The following LRRFIP1 variants were observed in gnomAD, a reference collection of about 807,000 sequenced individuals.
The protein encoded by LRRFIP1 is LRR binding FLII interacting protein 1, also known as leucine-rich repeat flightless-interacting protein 1.
In LRRFIP1, 62 loss-of-function variants were observed where a neutral mutation model predicts 104.4. The ratio of observed to expected loss-of-function variants is 0.59; its 90% CI spans 0.48 to 0.73. LRRFIP1 has a LOEUF of 0.73. Ranked by LOEUF, LRRFIP1 falls within the 30% of genes least tolerant of loss-of-function variation. LRRFIP1 has a pLI of 0.00. For synonymous variants in LRRFIP1, 300 were observed against 299.0 expected (o/e 1.00, Z -0.03); for missense variants, 796 against 824.5 (o/e 0.97, Z 0.42).
intron 1 of LRRFIP1, among the ~76,000 whole-genome samples, chr2:237,639,248 G>C (rs2083547832): frequency 6.6e-6 from 1 of 152,166 alleles, no homozygotes; most frequent in Admixed American, 6.5e-5. Flanking sequence ...ATATAGGAAA[G>C]ATGATCTCCC....
intron 1 of LRRFIP1, among the ~76,000 whole-genome samples, chr2:237,638,973 C>A (rs73999195): frequency 6.6e-6 from 1 of 152,130 alleles, no homozygotes; most frequent in Non-Finnish European, 1.5e-5. Context: ...GTTGTGTGAC[C>A]GTAGGCAAGT....
intron 1 of LRRFIP1, among the ~76,000 whole-genome samples, chr2:237,647,376 T>G (rs2085096278): frequency 6.6e-6 from 1 of 151,966 alleles, no homozygotes; most frequent in Admixed American, 6.5e-5. Flanking sequence ...TGCCCAGAAG[T>G]GGCACAGATG....
At chr2:237,762,085 C>A (rs1052903566) in intron 19 of LRRFIP1, among the ~76,000 whole-genome samples, 5 of 152,172 alleles carry the variant, frequency 3.3e-5, no homozygotes, top group African/African-American at 1.2e-4. Context: ...AAAGCATCTT[C>A]CTTGAGACTG....
chr2:237,712,681 G>A (rs1475555836), intron 2 of LRRFIP1, among the ~76,000 whole-genome samples: 3 of 152,192 alleles, frequency 2.0e-5, no homozygotes, highest in South Asian at 2.1e-4. Context: ...GCTCACACAC[G>A]TGAGCATCTG....
chr2:237,752,476 G>C (rs1053181223), intron 14 of LRRFIP1, among the ~76,000 whole-genome samples: 1 of 152,258 alleles, frequency 6.6e-6, no homozygotes, highest in African/African-American at 2.4e-5. Context: ...TGAAGCAGCT[G>C]TCCTGGTGTG....
At chr2:237,666,233 C>G (rs1011055912) in intron 1 of LRRFIP1, among the ~76,000 whole-genome samples, 1 of 152,268 alleles carries the variant, frequency 6.6e-6, no homozygotes, top group African/African-American at 2.4e-5. Flanking sequence ...TCCCCCAAAT[C>G]GAGCACCTCA....
In LRRFIP1 at chr2:237,757,742, G is replaced by C. The variant is rs372944830; in HGVS notation, c.1224+194G>C. 5.9e-5 allele frequency among the ~76,000 whole-genome samples: 9 copies of C among 152,172 alleles called. No homozygotes were observed. The East Asian group carries it at 1.8e-3, about 30-fold the overall frequency. ...AACTTATCCAAATTGATATGAACTT[G>C]GATTGTGACACGGACTCTCCATGGA... is the stretch of plus-strand genomic sequence containing the variant. On this transcript the variant is annotated intron_variant, in intron 17 of 23. Transcript: ENST00000308482.
intron 8 of LRRFIP1, among the ~76,000 whole-genome samples, chr2:237,728,895 C>T (rs575138042): frequency 1.3e-5 from 2 of 152,218 alleles, no homozygotes; most frequent in African/African-American, 2.4e-5. Context: ...TTGCTCATTC[C>T]TATTTACCTA....
At chr2:237,705,629 A>C (rs1023294555) in intron 1 of LRRFIP1, among the ~76,000 whole-genome samples, 2 of 151,144 alleles carry the variant, frequency 1.3e-5, no homozygotes, top group Non-Finnish European at 2.9e-5. Context: ...ACGCCACTGC[A>C]CTCCAGCCTG....
Position 237,760,178 on chromosome 2 carries a change from C to T in LRRFIP1, c.1432C>T (p.Leu478Phe). 2 of 1,614,120 alleles carry T rather than the reference C, an allele frequency of 1.2e-6. No homozygotes were observed. The highest frequency in any genetic ancestry group is 1.1e-5 in the South Asian group (1 of 91,080). The change falls in exon 19 of 24, where the codon CTC becomes TTC. Residue 478 changes from leucine (L) to phenylalanine (F), a missense_variant. Leu to Phe is a conservative substitution (Grantham distance 22). Coordinates refer to ENST00000308482, the MANE Select transcript of LRRFIP1 (RefSeq NM_001137550.2). ...GATGACAAAAGAAGAGTTAAATGCC[C>T]TCAAGTCGACAGGGGATGGGACCCT... is the stretch of plus-strand genomic sequence containing the variant. Reference protein sequence around the residue: ...TKMTKEELNALKSTGDGTLDI... With the variant: ...TKMTKEELNAFKSTGDGTLDI...
chr2:237,647,581 G>A (rs968395236), intron 1 of LRRFIP1, among the ~76,000 whole-genome samples: 3 of 152,072 alleles, frequency 2.0e-5, no homozygotes, highest in South Asian at 2.1e-4. Context: ...CCTGGTGGCC[G>A]GGCACTCGCT....
chr2:237,767,546 T>C (rs1048468597), intron 19 of LRRFIP1, among the ~76,000 whole-genome samples: 8 of 152,372 alleles, frequency 5.3e-5, no homozygotes, highest in Non-Finnish European at 1.2e-4. Flanking sequence ...TAGGTTGTTA[T>C]ACAAAGTTGG....
chr2:237,756,161 C>T lies in LRRFIP1; in HGVS notation c.1105C>T (p.Leu369=). Residue 369 remains leucine (L), a synonymous_variant, in exon 16 of 24, where the codon CTG becomes TTG. Coordinates refer to ENST00000308482, the MANE Select transcript of LRRFIP1 (RefSeq NM_001137550.2). Reference sequence around the variant, plus strand: ...TCAGTTTGCTGAAGTCAAGGAGGCCCTGAAGCAAAGAGAGGAAATGCTCGA... The same window carrying T: ...TCAGTTTGCTGAAGTCAAGGAGGCCTTGAAGCAAAGAGAGGAAATGCTCGA... ...QFQFAEVKEA[L]KQREEMLEEI... 6.2e-7 allele frequency: 1 copy of T among 1,613,930 alleles called. No homozygotes were observed. The highest frequency in any genetic ancestry group is 1.1e-5 in the South Asian group (1 of 91,052).
chr2:237,757,160 C>T (rs976849905), intron 16 of LRRFIP1, among the ~76,000 whole-genome samples: 5 of 152,222 alleles, frequency 3.3e-5, no homozygotes, highest in Non-Finnish European at 7.3e-5. Flanking sequence ...CGATTCATTA[C>T]AATGGCAATA....
Position 237,649,750 on chromosome 2 carries a change from G to A in LRRFIP1, c.96+22010G>A, listed in dbSNP as rs1243039997. ...GCCGCGGTTCGGAAGCTCCACGGGG[G>A]CCAGTGTTGTTCAGGCCTCACCAGT... On this transcript the variant is annotated intron_variant, in intron 1 of 23. Transcript: ENST00000308482. The surrounding 1 kb of genome is among the most constrained non-coding windows in gnomAD (Gnocchi z 4.1). Among the ~76,000 whole-genome samples the A allele has an allele frequency of 6.6e-6, 1 of 151,960 alleles. No homozygotes were observed. Among genetic ancestry groups the A allele is most frequent in the African/African-American group, 2.4e-5 (1 of 41,420 alleles).
In LRRFIP1 at chr2:237,714,304, C is replaced by T. The variant is rs201394587; in HGVS notation, c.201+28C>T. The stretch of plus-strand genomic sequence containing the variant: ...AGGCTCTTCTTTCTTTATTTTCTAA[C>T]TTGCATGTACTGTTTTTTCCTTGCC... On this transcript the variant is annotated intron_variant, in intron 3 of 23. Coordinates refer to ENST00000308482, the MANE Select transcript of LRRFIP1 (RefSeq NM_001137550.2). 185 of 1,580,480 alleles carry T rather than the reference C, an allele frequency of 1.2e-4. No individual in the cohort carries two copies. In the African/African-American group the frequency reaches 1.3e-3, roughly 11 times the overall value.
At chr2:237,767,548 C>T (rs1025120022) in intron 19 of LRRFIP1, among the ~76,000 whole-genome samples, 1 of 152,150 alleles carries the variant, frequency 6.6e-6, no homozygotes, top group South Asian at 2.1e-4. Flanking sequence ...GGTTGTTATA[C>T]AAAGTTGGGA....
chr2:237,749,841 C>T (rs961407909), intron 13 of LRRFIP1, among the ~76,000 whole-genome samples: 2 of 152,112 alleles, frequency 1.3e-5, no homozygotes, highest in Non-Finnish European at 2.9e-5. Flanking sequence ...AGGTATTATT[C>T]TCTGCTCTAT....
chr2:237,765,274 A>AC (rs1559840038), intron 19 of LRRFIP1: 5 of 161,616 alleles, frequency 3.1e-5, no homozygotes, highest in African/African-American at 1.4e-4. Flanking sequence ...AAAAAAAAAA[A>AC]AAAAACACAC....
Sources: gnomAD v4.1 joint callset for allele counts (sites outside exome capture counted in the v4.1 genomes callset) on GRCh38, gnomAD v4.1.1 for gene constraint, Gnocchi (gnomAD v3.1) non-coding constraint, MANE v1.5 for transcripts, NCBI Gene and HGNC (gene_info 2026-07-23, HGNC 2026-07-21) for gene names.